The following AGBL4 variants were observed in gnomAD, a reference collection of about 807,000 sequenced individuals.
The protein encoded by AGBL4 is AGBL carboxypeptidase 4, also known as cytosolic carboxypeptidase 6.
A neutral mutation model predicts 66.4 loss-of-function variants in AGBL4; 58 were observed. That is an observed-to-expected ratio of 0.87 (90% CI 0.71 to 1.09). The LOEUF (loss-of-function observed/expected upper bound fraction) is 1.09. AGBL4 is among the 50% of genes least tolerant of loss of function. AGBL4 has a pLI of 0.00. For synonymous variants in AGBL4, 234 were observed against 222.9 expected, an observed-to-expected ratio of 1.05 and a Z score of -0.44; for missense variants, 579 against 631.0, an observed-to-expected ratio of 0.92 and a Z score of 0.88.
intron 4 of AGBL4, among the ~76,000 whole-genome samples, chr1:49,176,418 C>T (rs1277290820): frequency 6.6e-6 from 1 of 152,058 alleles, no homozygotes; most frequent in Non-Finnish European, 1.5e-5. Flanking sequence ...TCATGGGTAC[C>T]AACATACACA....
intron 5 of AGBL4, among the ~76,000 whole-genome samples, chr1:48,876,504 G>A (rs2148836041): frequency 6.6e-6 from 1 of 152,218 alleles, no homozygotes; most frequent in African/African-American, 2.4e-5. Context: ...AGGTCATGTG[G>A]GGACCTGCAA....
chr1:49,878,932 T>G (rs1647119582), intron 1 of AGBL4, among the ~76,000 whole-genome samples: 1 of 103,326 alleles, frequency 9.7e-6, no homozygotes, highest in East Asian at 2.7e-4. Context: ...CTTTGTCTCT[T>G]TTGATCTTTG....
intron 6 of AGBL4, among the ~76,000 whole-genome samples, chr1:48,668,214 G>T (rs397260): frequency 6.6e-6 from 1 of 151,938 alleles, no homozygotes; most frequent in Non-Finnish European, 1.5e-5. Flanking sequence ...TGTAGCAACA[G>T]CAGCATGGTT....
At chr1:49,238,014 C>T (rs909554906) in intron 4 of AGBL4, among the ~76,000 whole-genome samples, 2 of 152,032 alleles carry the variant, frequency 1.3e-5, no homozygotes, top group South Asian at 2.1e-4. Context: ...TGAAAAACAT[C>T]GTGCCACTTT....
intron 4 of AGBL4, among the ~76,000 whole-genome samples, chr1:49,055,368 A>G (rs1016622395): frequency 6.6e-6 from 1 of 152,048 alleles, no homozygotes; most frequent in African/African-American, 2.4e-5. Context: ...ATATATTTCA[A>G]TACTAAAAGG....
intron 1 of AGBL4, among the ~76,000 whole-genome samples, chr1:49,988,049 C>G (rs1659647552): frequency 6.6e-6 from 1 of 151,654 alleles, no homozygotes; most frequent in Non-Finnish European, 1.5e-5. Context: ...TAGGAAGACT[C>G]AAAGACAAAA....
chr1:49,558,576 G>A (rs1278434759), intron 3 of AGBL4, among the ~76,000 whole-genome samples: 1 of 152,100 alleles, frequency 6.6e-6, no homozygotes, highest in East Asian at 1.9e-4. Flanking sequence ...CCTCACCTCA[G>A]GATCTGCCTG....
At chr1:49,423,169 GC>G (rs1211351208) in intron 3 of AGBL4, 1 of 152,142 alleles carries the variant, frequency 6.6e-6, no homozygotes, top group Non-Finnish European at 1.5e-5. Context: ...TTTATGTTAA[GC>G]CACAGAGGTT....
At chr1:49,985,352 G>A (rs1335743519) in intron 1 of AGBL4, among the ~76,000 whole-genome samples, 1 of 152,148 alleles carries the variant, frequency 6.6e-6, no homozygotes, top group Non-Finnish European at 1.5e-5. Context: ...ATGCTAGAGA[G>A]AGCTCAAGAA....
intron 6 of AGBL4, among the ~76,000 whole-genome samples, chr1:48,823,464 T>C (rs1646359625): frequency 2.6e-5 from 4 of 152,204 alleles, no homozygotes; most frequent in Admixed American, 2.6e-4. Flanking sequence ...TCCTTACCAA[T>C]CACCTTTCCT....
chr1:48,910,351 C>T (rs1652982887), intron 5 of AGBL4, among the ~76,000 whole-genome samples: 1 of 152,134 alleles, frequency 6.6e-6, no homozygotes, highest in Non-Finnish European at 1.5e-5. Context: ...AAATAATCTT[C>T]CTAAAATAAT....
chr1:49,250,440 A>ATTTTTTT, intron 3 of AGBL4, among the ~76,000 whole-genome samples: 1 of 122,714 alleles, frequency 8.1e-6, no homozygotes, highest in Non-Finnish European at 1.7e-5. Context: ...ACAGGAACTA[A>ATTTTTTT]TTTTTTTTTT....
At chr1:48,990,336 T>C (rs1234277584) in intron 5 of AGBL4, among the ~76,000 whole-genome samples, 1 of 152,152 alleles carries the variant, frequency 6.6e-6, no homozygotes, top group Non-Finnish European at 1.5e-5. Flanking sequence ...ATTTTATGGG[T>C]TGTCTCTTCA....
At chr1:48,537,959 A>T (rs1644000610) in intron 12 of AGBL4, among the ~76,000 whole-genome samples, 1 of 152,194 alleles carries the variant, frequency 6.6e-6, no homozygotes, top group East Asian at 1.9e-4. Flanking sequence ...CCTGGTATAA[A>T]GTGTTGCTTT....
chr1:49,015,043 T>C (rs1662709211), intron 5 of AGBL4, among the ~76,000 whole-genome samples: 1 of 152,232 alleles, frequency 6.6e-6, no homozygotes, highest in Non-Finnish European at 1.5e-5. Context: ...ATAGTCTCAC[T>C]GATGATCACA....
chr1:48,979,077 T>G (rs1012544491), intron 5 of AGBL4, among the ~76,000 whole-genome samples: 3 of 152,138 alleles, frequency 2.0e-5, no homozygotes, highest in Non-Finnish European at 4.4e-5. Context: ...AAAACATAAA[T>G]GAATTCTCCT....
intron 3 of AGBL4, among the ~76,000 whole-genome samples, chr1:49,258,444 T>A (rs946354129): frequency 5.3e-5 from 8 of 151,748 alleles, no homozygotes; most frequent in Non-Finnish European, 8.8e-5. Context: ...GAATAACCAA[T>A]ATAGAGAAGT....
At chr1:49,013,843 T>G (rs921980415) in intron 5 of AGBL4, among the ~76,000 whole-genome samples, 7 of 152,208 alleles carry the variant, frequency 4.6e-5, no homozygotes, top group African/African-American at 1.7e-4. Flanking sequence ...GGCGTCCAGG[T>G]TCCTTATACC....
At chr1:48,679,068 G>A (rs1646413127) in intron 6 of AGBL4, among the ~76,000 whole-genome samples, 1 of 152,216 alleles carries the variant, frequency 6.6e-6, no homozygotes, top group African/African-American at 2.4e-5. Context: ...AGTGCTCACT[G>A]AGTTGATTGA....
Sources: allele counts gnomAD v4.1 joint callset (sites outside exome capture counted in the v4.1 genomes callset), GRCh38; gene constraint gnomAD v4.1.1; transcripts MANE v1.5; gene names NCBI Gene and HGNC (gene_info 2026-07-23, HGNC 2026-07-21).